The following NTRK3 variants were observed in gnomAD, a reference collection of about 807,000 sequenced individuals.
The protein encoded by NTRK3 is NT-3 growth factor receptor.
A neutral mutation model predicts 91.7 loss-of-function variants in NTRK3; 24 were observed. That is an observed-to-expected ratio of 0.26 (90% CI 0.19 to 0.37). NTRK3 has a LOEUF of 0.37. Ranked by LOEUF, NTRK3 falls within the 10% of genes least tolerant of loss-of-function variation. NTRK3 has a pLI of 1.00. For missense variants in NTRK3, 880 were observed against 1,068.9 expected (o/e 0.82, Z 2.46); for synonymous variants, 483 against 404.0 (o/e 1.20, Z -2.34).
intron 13 of NTRK3, among the ~76,000 whole-genome samples, chr15:88,105,584 G>C (rs1026369277): frequency 1.3e-5 from 2 of 150,968 alleles, no homozygotes; most frequent in African/African-American, 4.9e-5. Context: ...TCTGGGTCTG[G>C]ATTTACCAGC....
At chr15:88,092,307 A>T (rs1187755710) in intron 13 of NTRK3, among the ~76,000 whole-genome samples, 1 of 152,168 alleles carries the variant, frequency 6.6e-6, no homozygotes, top group African/African-American at 2.4e-5. Context: ...ATCATCATCA[A>T]GGCTCCGACT....
intron 14 of NTRK3, among the ~76,000 whole-genome samples, chr15:87,983,804 G>A (rs2074500477): frequency 1.3e-5 from 2 of 152,174 alleles, no homozygotes; most frequent in Non-Finnish European, 2.9e-5. Context: ...TGGGGGAACA[G>A]GGCTCTCACT....
At chr15:88,072,079 C>T (rs1010235665) in intron 13 of NTRK3, among the ~76,000 whole-genome samples, 9 of 144,144 alleles carry the variant, frequency 6.2e-5, no homozygotes, top group African/African-American at 2.3e-4. Flanking sequence ...GATCTCGGCT[C>T]CCTGTAACCT....
At chr15:88,248,181 C>T (rs2114253) in intron 3 of NTRK3, among the ~76,000 whole-genome samples, 124,083 of 152,124 alleles carry the variant, frequency 0.82, 51,302 homozygotes, top group East Asian at 0.97. Flanking sequence ...TGTTCTGCTG[C>T]GGGCTGACCT....
intron 17 of NTRK3, among the ~76,000 whole-genome samples, chr15:87,887,021 A>T (rs1213962255): frequency 6.6e-6 from 1 of 152,050 alleles, no homozygotes; most frequent in Non-Finnish European, 1.5e-5. Context: ...ATTTTTCAAT[A>T]ACAGAGTCCT....
chr15:87,900,749 G>A (rs1031952844), intron 17 of NTRK3, among the ~76,000 whole-genome samples: 2 of 151,630 alleles, frequency 1.3e-5, no homozygotes, highest in South Asian at 4.2e-4. Context: ...CAGTGAAGGA[G>A]AGCATGGGCC....
At chr15:88,159,985 CACACACACAT>C (rs2044293013) in intron 5 of NTRK3, among the ~76,000 whole-genome samples, 1 of 149,402 alleles carries the variant, frequency 6.7e-6, no homozygotes, top group Non-Finnish European at 1.5e-5. Flanking sequence ...CACACACACA[CACACACACAT>C]TGCTTGAACT....
intron 17 of NTRK3, chr15:87,916,530 T>TC (rs2067457450): frequency 5.7e-6 from 4 of 702,280 alleles, no homozygotes; most frequent in Non-Finnish European, 1.0e-5. Flanking sequence ...CCGTCTTTTT[T>TC]CCCCAGTATC....
chr15:88,005,658 T>C (rs987330788), intron 14 of NTRK3, among the ~76,000 whole-genome samples: 4 of 152,034 alleles, frequency 2.6e-5, no homozygotes, highest in Admixed American at 6.6e-5. Flanking sequence ...CTGACATCTG[T>C]ATATCCCACT....
chr15:88,249,775 T>C (rs2053178092), intron 3 of NTRK3, among the ~76,000 whole-genome samples: 1 of 152,078 alleles, frequency 6.6e-6, no homozygotes, highest in Admixed American at 6.5e-5. Context: ...ACCAGGAGGA[T>C]TTGTGTTCCT....
intron 14 of NTRK3, among the ~76,000 whole-genome samples, chr15:88,016,175 T>G (rs921639540): frequency 2.0e-5 from 3 of 152,164 alleles, no homozygotes; most frequent in African/African-American, 7.2e-5. Flanking sequence ...CTCAAAATAT[T>G]TTCAGTGATT....
chr15:87,975,490 T>C (rs571990605), intron 14 of NTRK3, among the ~76,000 whole-genome samples: 2 of 152,108 alleles, frequency 1.3e-5, no homozygotes, highest in East Asian at 1.9e-4. Flanking sequence ...GTTGGTGACA[T>C]TCGAATGCAG....
intron 13 of NTRK3, among the ~76,000 whole-genome samples, chr15:88,034,841 C>G (rs1436775931): frequency 3.3e-5 from 5 of 152,194 alleles, no homozygotes; most frequent in Admixed American, 1.3e-4. Context: ...CCCAAATACT[C>G]ACAATAATCA....
intron 13 of NTRK3, among the ~76,000 whole-genome samples, chr15:88,039,311 C>A (rs2079381468): frequency 6.6e-6 from 1 of 152,170 alleles, no homozygotes; most frequent in South Asian, 2.1e-4. Context: ...TAAATGCAAG[C>A]TTTGGAGAGA....
intron 13 of NTRK3, among the ~76,000 whole-genome samples, chr15:88,124,243 T>C (rs2151088305): frequency 6.6e-6 from 1 of 152,266 alleles, no homozygotes; most frequent in Non-Finnish European, 1.5e-5. Flanking sequence ...ATAGAGGATA[T>C]TTCACTTCCA....
intron 9 of NTRK3, 83 bp downstream of exon 9, chr15:88,135,816 C>G: frequency 1.3e-6 from 2 of 1,562,290 alleles, no homozygotes; most frequent in South Asian, 1.2e-5. Context: ...TAGCTCACCC[C>G]TGACAACACC....
intron 14 of NTRK3, among the ~76,000 whole-genome samples, chr15:87,998,904 G>C (rs985072588): frequency 2.6e-5 from 4 of 152,132 alleles, no homozygotes; most frequent in Non-Finnish European, 5.9e-5. Context: ...AGGGAGTGTG[G>C]GGGGAGGAGG....
At chr15:88,198,543 G>T (rs2048024933) in intron 3 of NTRK3, among the ~76,000 whole-genome samples, 1 of 152,182 alleles carries the variant, frequency 6.6e-6, no homozygotes, top group African/African-American at 2.4e-5. Context: ...AATTTTTCTA[G>T]GTGGCTGCTG....
rs139196747 is a variant in NTRK3 at position 88,073,794 on chromosome 15, C to A, written c.1397-40749G>T. On this transcript the variant is annotated intron_variant, in intron 13 of 18. Coordinates refer to ENST00000394480, the Ensembl canonical transcript of NTRK3. ...GCTGCAACACCCCCCCGCCCCACCCCGCAGGGAAGAGGAAATAGAGAGGCT... is the reference window on the plus strand; with the variant it reads ...GCTGCAACACCCCCCCGCCCCACCCAGCAGGGAAGAGGAAATAGAGAGGCT... Among the ~76,000 whole-genome samples, 24 of 152,148 alleles carry A rather than the reference C, an allele frequency of 1.6e-4. No individual in the cohort carries two copies. The East Asian group carries it at 3.3e-3, about 21-fold the overall frequency.
Sources: allele counts gnomAD v4.1 joint callset (sites outside exome capture counted in the v4.1 genomes callset), GRCh38; gene constraint gnomAD v4.1.1; transcripts MANE v1.5; gene names NCBI Gene and HGNC (gene_info 2026-07-23, HGNC 2026-07-21).